MICAL3: variants seen among roughly 807,000 people sequenced by gnomAD.
MICAL3 encodes the protein microtubule associated monooxygenase, calponin and LIM domain containing 3.
MICAL3 carries 62 observed loss-of-function variants against 207.4 expected under a neutral mutation model. The ratio of observed to expected loss-of-function variants is 0.30; its 90% CI spans 0.24 to 0.37. MICAL3 has a LOEUF of 0.37. MICAL3 is among the 10% of genes least tolerant of loss of function. The pLI, the probability that MICAL3 is intolerant of heterozygous loss-of-function variation, is 1.00. For missense variants in MICAL3, 2,368 were observed against 2,635.6 expected (o/e 0.90, Z 2.22); for synonymous variants, 1,077 against 1,069.3 (o/e 1.01, Z -0.14).
At chr22:17,937,445 C>T (rs1933591017) in intron 1 of MICAL3, among the ~76,000 whole-genome samples, 1 of 152,146 alleles carries the variant, frequency 6.6e-6, no homozygotes. Context: ...GGGCAGATCA[C>T]CTGAGGTCAG....
chr22:18,016,887 C>A (rs1924090441), intron 1 of MICAL3, among the ~76,000 whole-genome samples: 1 of 151,792 alleles, frequency 6.6e-6, no homozygotes, highest in African/African-American at 2.4e-5. Context: ...TCGCAGTGAA[C>A]CAAGATTGCT....
chr22:17,843,479 T>A (rs1425489319), intron 19 of MICAL3, among the ~76,000 whole-genome samples: 2 of 152,198 alleles, frequency 1.3e-5, no homozygotes, highest in African/African-American at 2.4e-5. Context: ...CACCAGTAGT[T>A]GGCTGAAGGG....
intron 19 of MICAL3, 176 bp downstream of exon 19, chr22:17,864,723 A>G (rs778393435): frequency 1.2e-6 from 2 of 1,613,536 alleles, no homozygotes; most frequent in South Asian, 1.1e-5. Flanking sequence ...GGCCATAGAG[A>G]AAGGGGACTC....
intron 19 of MICAL3, chr22:17,861,084 C>A (rs1602076756): frequency 1.0e-6 from 1 of 985,418 alleles, no homozygotes; most frequent in South Asian, 4.7e-5. Context: ...TTGTAGAATT[C>A]TCTTGCTCCA....
intron 18 of MICAL3, 104 bp from the exon 19 acceptor site, chr22:17,865,090 TTTATTTA>T: frequency 3.2e-6 from 1 of 316,454 alleles, no homozygotes; most frequent in East Asian, 1.1e-4. Flanking sequence ...TTAAATTTTA[TTTATTTA>T]TTTATTTATT....
intron 1 of MICAL3, among the ~76,000 whole-genome samples, chr22:17,999,145 G>A (rs1287701317): frequency 6.6e-6 from 1 of 152,148 alleles, no homozygotes; most frequent in Non-Finnish European, 1.5e-5. Context: ...ACCTGGACAT[G>A]TGAAACCAAC....
chr22:17,985,901 T>TTTTTGTTTTG (rs369475188), intron 1 of MICAL3, among the ~76,000 whole-genome samples: 339 of 151,874 alleles, frequency 2.2e-3, no homozygotes, highest in African/African-American at 8.1e-3. Context: ...TCACTCTTGT[T>TTTTTGTTTTG]TTTTGTTTTG....
intron 20 of MICAL3, among the ~76,000 whole-genome samples, chr22:17,838,813 G>A (rs1189772525): frequency 6.6e-6 from 1 of 152,150 alleles, no homozygotes; most frequent in African/African-American, 2.4e-5. Flanking sequence ...TCTCAGCAAG[G>A]AAGGACCGAC....
rs1930396428 is a variant in MICAL3 at position 17,891,578 on chromosome 22, C to CA, written c.1600_1601insT (p.Gly534ValfsTer26). 1 of 1,613,880 alleles carries CA rather than the reference C, an allele frequency of 6.2e-7. No individual in the cohort carries two copies. The highest frequency in any genetic ancestry group is 8.5e-7 in the Non-Finnish European group (1 of 1,179,866). ...ATCTGTCACGTTTACCCCTGCATAG[C>CA]CATCTGTCTGCCTCTGGCACCAACC... On this transcript the variant is annotated frameshift_variant, in exon 12 of 32. Transcript: ENST00000441493. LOFTEE classifies it high-confidence loss of function.
chr22:17,873,236 C>T (rs1391837375), intron 16 of MICAL3, among the ~76,000 whole-genome samples: 3 of 152,218 alleles, frequency 2.0e-5, no homozygotes, highest in African/African-American at 7.2e-5. Flanking sequence ...TCACAGAACT[C>T]GAGGGGCACC....
At chr22:17,814,230 A>G (rs2062078528) in intron 27 of MICAL3, 1 of 152,196 alleles carries the variant, frequency 6.6e-6, no homozygotes. Flanking sequence ...AGGAAAGTTG[A>G]AAGAGGAAGA....
chr22:17,943,018 T>G (rs778829317), intron 1 of MICAL3, among the ~76,000 whole-genome samples: 4 of 152,204 alleles, frequency 2.6e-5, no homozygotes, highest in Non-Finnish European at 5.9e-5. Context: ...ACCTCTATGA[T>G]GGACACATGC....
chr22:17,877,375 TGAG>T, intron 16 of MICAL3, among the ~76,000 whole-genome samples: 10 of 108,730 alleles, frequency 9.2e-5, no homozygotes, highest in Admixed American at 3.0e-4. Flanking sequence ...GTTAGGGAGG[TGAG>T]GGAGGTTATG....
At chr22:18,001,739 C>T (rs1923036952) in intron 1 of MICAL3, among the ~76,000 whole-genome samples, 1 of 152,236 alleles carries the variant, frequency 6.6e-6, no homozygotes, top group Non-Finnish European at 1.5e-5. Flanking sequence ...TCTCCGTCCC[C>T]CTGCAGGATC....
chr22:17,813,810 G>C (rs927911929), intron 27 of MICAL3: 2 of 152,182 alleles, frequency 1.3e-5, no homozygotes, highest in Non-Finnish European at 2.9e-5. Flanking sequence ...ATCTGGATGC[G>C]GGGTGGCAGG....
intron 19 of MICAL3, 95 bp from the exon 20 acceptor site, chr22:17,842,112 G>A (rs1892607418): frequency 8.2e-7 from 1 of 1,218,740 alleles, no homozygotes; most frequent in Non-Finnish European, 1.2e-6. Flanking sequence ...CCTCCTGCCA[G>A]AATGTGGGGC....
At chr22:17,801,998 G>C (rs554114893) in intron 29 of MICAL3, among the ~76,000 whole-genome samples, 1 of 152,050 alleles carries the variant, frequency 6.6e-6, no homozygotes, top group African/African-American at 2.4e-5. Context: ...GGAGGGAAGT[G>C]TGGATACAAT....
chr22:17,963,296 GA>G (rs1291156211), intron 1 of MICAL3, among the ~76,000 whole-genome samples: 1 of 152,058 alleles, frequency 6.6e-6, no homozygotes, highest in Non-Finnish European at 1.5e-5. Flanking sequence ...TATTTTTGTA[GA>G]GACAGGGTTT....
At chr22:17,941,836 G>A (rs534271664) in intron 1 of MICAL3, among the ~76,000 whole-genome samples, 4 of 152,286 alleles carry the variant, frequency 2.6e-5, no homozygotes, top group South Asian at 4.1e-4. Flanking sequence ...TGGGGCAGGC[G>A]TGGTCAATCG....
Sources: allele counts gnomAD v4.1 joint callset (sites outside exome capture counted in the v4.1 genomes callset), GRCh38; gene constraint gnomAD v4.1.1; transcripts MANE v1.5; gene names NCBI Gene and HGNC (gene_info 2026-07-23, HGNC 2026-07-21).